LRRC4B: variants seen among roughly 807,000 people sequenced by gnomAD.
LRRC4B encodes the protein leucine rich repeat containing 4B.
A neutral mutation model predicts 7.3 loss-of-function variants in LRRC4B; 1 was observed. The ratio of observed to expected loss-of-function variants is 0.14; its 90% CI spans 0.05 to 0.65. The LOEUF (loss-of-function observed/expected upper bound fraction) is 0.65, where lower values mean the gene tolerates loss of function less well. Among genes scored for constraint, LRRC4B ranks in the 30% least tolerant of loss-of-function variants. The probability of loss-of-function intolerance (pLI) is 0.84; values close to 1 mark genes in which losing one functional copy is unlikely to be tolerated. For synonymous variants in LRRC4B, 500 were observed against 499.2 expected (o/e 1.00, Z -0.02); for missense variants, 730 against 1,041.6 (o/e 0.70, Z 4.12).
At chr19:50,523,065 G>A (rs1437462377) in intron 2 of LRRC4B, among the ~76,000 whole-genome samples, 1 of 152,220 alleles carries the variant, frequency 6.6e-6, no homozygotes, top group Non-Finnish European at 1.5e-5. Context: ...CTTGACCTCT[G>A]ACCCTGGCTG....
chr19:50,541,400 A>G (rs1326106483), intron 2 of LRRC4B, among the ~76,000 whole-genome samples: 2 of 151,432 alleles, frequency 1.3e-5, no homozygotes, highest in Non-Finnish European at 2.9e-5. Context: ...AGAAAAAGCA[A>G]TGCACCATAA....
At position 50,517,671 on chromosome 19, in the gene LRRC4B, C is replaced by A; in HGVS notation, c.2042G>T (p.Gly681Val). ...AGGCGGGCCTTTGCCCCCGCAGCCC[C>A]CGCCGCTGGGGTTGCTGCTGTAGTG... ...KAHYSSNPSG[G>V]GCGGKGPPGL... The change falls in exon 3 of 3, where the codon GGG (glycine) becomes GTG (valine). Residue 681 changes from glycine (G) to valine (V), a missense_variant. Physicochemically the swap from Gly to Val is moderately radical, Grantham distance 109. Coordinates refer to ENST00000652263, the MANE Select transcript of LRRC4B (RefSeq NM_001080457.2). The surrounding 1 kb of genome is among the most constrained non-coding windows in gnomAD (Gnocchi z 6.6). 6.5e-7 allele frequency: 1 copy of A among 1,531,202 alleles called. No individual in the cohort carries two copies. 94.9% of individuals were successfully genotyped at this position (1,531,202 alleles called of 1,614,324 possible). A position where few individuals can be genotyped will look rare whatever the true frequency, so the allele number is the denominator to read the frequency against.
intron 2 of LRRC4B, among the ~76,000 whole-genome samples, chr19:50,523,351 A>G (rs1980662241): frequency 6.6e-6 from 1 of 150,514 alleles, no homozygotes; most frequent in African/African-American, 2.5e-5. Context: ...AAGCTGAAGA[A>G]TTAGGTATCA....
Position 50,518,972 on chromosome 19 carries a change from G to A in LRRC4B, c.741C>T (p.Gly247=). The A allele has an allele frequency of 3.1e-6, 5 of 1,613,532 alleles. No individual in the cohort carries two copies. Among genetic ancestry groups the A allele is most frequent in the Non-Finnish European group, 4.2e-6 (5 of 1,179,872 alleles). The change falls in exon 3 of 3, where the codon GGC becomes GGT. Residue 247 remains glycine, a synonymous_variant. Transcript: ENST00000652263. ...SGNRLDLIRP[G]SFQGLTSLRK... ...GCAGGCTGGTGAGACCCTGGAAGGA[G>A]CCCGGGCGGATCAGGTCCAGCCGGT...
At position 50,537,276 on chromosome 19, in the gene LRRC4B, T is replaced by C. The variant is rs1981333805; in HGVS notation, c.297+11266A>G. On this transcript the variant is annotated intron_variant, in intron 2 of 2. Coordinates refer to ENST00000652263, the MANE Select transcript of LRRC4B (RefSeq NM_001080457.2). This position sits in a 1 kb window ranked among gnomAD's most constrained non-coding sequence, Gnocchi z 5.5. ...GCAAGTGTCTTAACTCTCCTATGCCTCAGTTTCCTCATCTGTAACATGAGA... is the reference window on the plus strand; with the variant it reads ...GCAAGTGTCTTAACTCTCCTATGCCCCAGTTTCCTCATCTGTAACATGAGA... Among the ~76,000 whole-genome samples, 1 of 152,156 alleles carries C rather than the reference T, an allele frequency of 6.6e-6. No homozygotes were observed. The highest frequency in any genetic ancestry group is 1.5e-5 in the Non-Finnish European group (1 of 68,016).
rs1420805915 is a variant in LRRC4B at position 50,548,107 on chromosome 19, T to C, written c.297+435A>G. ...AACACCTCAACGCAGGGGCTTGCAT[T>C]GTCCCCGCTTTTCAGATGAAGAAAC... On this transcript the variant is annotated intron_variant, in intron 2 of 2. Coordinates refer to ENST00000652263, the MANE Select transcript of LRRC4B (RefSeq NM_001080457.2). The surrounding 1 kb of genome is among the most constrained non-coding windows in gnomAD (Gnocchi z 6.8). Among the ~76,000 whole-genome samples, 1 of 152,170 alleles carries C rather than the reference T, an allele frequency of 6.6e-6. No individual in the cohort carries two copies. The highest frequency in any genetic ancestry group is 1.5e-5 in the Non-Finnish European group (1 of 68,036).
chr19:50,564,565 C>T (rs1373679348), intron 1 of LRRC4B, among the ~76,000 whole-genome samples: 6 of 151,866 alleles, frequency 4.0e-5, no homozygotes, highest in Admixed American at 1.3e-4. Flanking sequence ...ACAGACTAGA[C>T]GGATGGGCCA....
Position 50,518,121 on chromosome 19 carries a change from G to A in LRRC4B, c.1592C>T (p.Ala531Val), listed in dbSNP as rs2122755792. Residue 531 changes from alanine (A) to valine (V), a missense_variant, in exon 3 of 3, where the codon GCC becomes GTC. Ala to Val is a moderately conservative substitution (Grantham distance 64). Coordinates refer to ENST00000652263, the MANE Select transcript of LRRC4B (RefSeq NM_001080457.2). Reference sequence around the variant, plus strand: ...CGTGGTAGAAGACGAGGCAGGGCCGGCCGCGTCCCCAGGCCGGCCCCCACC... The same window carrying A: ...CGTGGTAGAAGACGAGGCAGGGCCGACCGCGTCCCCAGGCCGGCCCCCACC... ...VWGGGRPGDA[A>V]GPASSSTTAP... The A allele has an allele frequency of 1.3e-6, 2 of 1,593,718 alleles. No homozygotes were observed. The highest frequency in any genetic ancestry group is 1.7e-6 in the Non-Finnish European group (2 of 1,174,250).
In LRRC4B at chr19:50,518,334, G is replaced by A. The variant is rs1470590208; in HGVS notation, c.1379C>T (p.Ala460Val). Residue 460 changes from alanine (A) to valine (V), a missense_variant, in exon 3 of 3, where the codon GCG (alanine) becomes GTG (valine). By Grantham distance (64) the Ala-to-Val change is moderately conservative. Coordinates refer to ENST00000652263, the MANE Select transcript of LRRC4B (RefSeq NM_001080457.2). ...TLNVSAVDPVAAGGTGSGGGG... is the reference protein window; with the variant it reads ...TLNVSAVDPVVAGGTGSGGGG... Reference sequence around the variant, plus strand: ...CCCGCCGCTGCCGGTGCCCCCGGCCGCCACGGGGTCCACGGCCGAGACGTT... The same window carrying A: ...CCCGCCGCTGCCGGTGCCCCCGGCCACCACGGGGTCCACGGCCGAGACGTT... 2 of 1,605,932 alleles carry A rather than the reference G, an allele frequency of 1.2e-6. No individual in the cohort carries two copies. The highest frequency in any genetic ancestry group is 3.4e-5 in the Admixed American group (2 of 58,886).
rs1200378440 is a variant in LRRC4B at position 50,555,104 on chromosome 19, C to T, written c.-35-6231G>A. Among the ~76,000 whole-genome samples the T allele has an allele frequency of 6.6e-6, 1 of 152,208 alleles. No individual in the cohort carries two copies. The highest frequency in any genetic ancestry group is 2.4e-5 in the African/African-American group (1 of 41,468). On this transcript the variant is annotated intron_variant, in intron 1 of 2. Coordinates refer to ENST00000652263, the MANE Select transcript of LRRC4B (RefSeq NM_001080457.2). The surrounding 1 kb of genome is among the most constrained non-coding windows in gnomAD (Gnocchi z 5.2). ...CTCCATGGACTGCCCTCTGCCCCCA[C>T]GCACCCCTAGTAGTGATGGGAAATA...
chr19:50,545,189 T>C (rs1174279312), intron 2 of LRRC4B, among the ~76,000 whole-genome samples: 2 of 149,742 alleles, frequency 1.3e-5, no homozygotes, highest in African/African-American at 2.5e-5. Context: ...GGGCAGATCA[T>C]CTGAGGTCGG....
Position 50,548,708 on chromosome 19 carries a change from G to C in LRRC4B, c.131C>G (p.Thr44Arg). ...LGAGGGGVAV[T>R]SAAGGGSPPA... ...CGGGGAGCCCCCTCCGGCGGCAGAC[G>C]TCACGGCCACTCCACCTCCACCGGC... The change falls in exon 2 of 3, where the codon ACG becomes AGG. Residue 44 changes from threonine (T) to arginine (R), a missense_variant. Thr to Arg is a moderately conservative substitution (Grantham distance 71). Coordinates refer to ENST00000652263, the MANE Select transcript of LRRC4B (RefSeq NM_001080457.2). The surrounding 1 kb of genome is among the most constrained non-coding windows in gnomAD (Gnocchi z 6.8). The C allele has an allele frequency of 6.5e-7, 1 of 1,543,318 alleles. No individual in the cohort carries two copies. The highest frequency in any genetic ancestry group is 1.2e-5 in the South Asian group (1 of 84,320).
At chr19:50,529,097 A>G (rs1980942110) in intron 2 of LRRC4B, among the ~76,000 whole-genome samples, 1 of 152,010 alleles carries the variant, frequency 6.6e-6, no homozygotes, top group South Asian at 2.1e-4. Flanking sequence ...TTCCTCAGAG[A>G]GAGTATCTGG....
At chr19:50,527,346 TTC>T (rs1224810230) in intron 2 of LRRC4B, among the ~76,000 whole-genome samples, 3 of 117,678 alleles carry the variant, frequency 2.5e-5, no homozygotes, top group African/African-American at 7.0e-5. Context: ...TCTTTCTTTT[TTC>T]TTTTTTTTTT....
chr19:50,525,313 G>A (rs559751366), intron 2 of LRRC4B, among the ~76,000 whole-genome samples: 10 of 152,036 alleles, frequency 6.6e-5, no homozygotes, highest in African/African-American at 2.4e-4. Flanking sequence ...CATTGTTATC[G>A]TTATCGTTGG....
At chr19:50,526,485 A>C (rs1980811131) in intron 2 of LRRC4B, among the ~76,000 whole-genome samples, 5 of 152,180 alleles carry the variant, frequency 3.3e-5, no homozygotes, top group Admixed American at 3.3e-4. Context: ...CAGGGAGGGC[A>C]GGGACTGGGT....
At position 50,548,451 on chromosome 19, in the gene LRRC4B, G is replaced by A. The variant is rs370585496; in HGVS notation, c.297+91C>T. The A allele has an allele frequency of 6.1e-5, 90 of 1,486,586 alleles. 1 individual carries two copies. In the East Asian group the frequency reaches 1.1e-3, roughly 18 times the overall value. 92.1% of individuals were successfully genotyped at this position (1,486,586 alleles called of 1,614,324 possible). On this transcript the variant is annotated intron_variant, in intron 2 of 2. Transcript: ENST00000652263. This position sits in a 1 kb window ranked among gnomAD's most constrained non-coding sequence, Gnocchi z 6.8. ...CAGGTGCCGGAGACGGGGAAGCCCCGGTGTGGGGAGGCCCAGAAGGGATGG... is the reference window on the plus strand; with the variant it reads ...CAGGTGCCGGAGACGGGGAAGCCCCAGTGTGGGGAGGCCCAGAAGGGATGG...
chr19:50,530,649 G>T (rs758684035), intron 2 of LRRC4B, among the ~76,000 whole-genome samples: 1 of 152,186 alleles, frequency 6.6e-6, no homozygotes, highest in Non-Finnish European at 1.5e-5. Flanking sequence ...CTTGAGGTGA[G>T]ACTCACTCCG....
intron 2 of LRRC4B, among the ~76,000 whole-genome samples, chr19:50,542,057 T>C (rs1349597007): frequency 3.3e-5 from 5 of 152,180 alleles, no homozygotes; most frequent in Admixed American, 1.3e-4. Flanking sequence ...AAATTAAGAA[T>C]ACGTGTACGC....
Sources: allele counts gnomAD v4.1 joint callset (sites outside exome capture counted in the v4.1 genomes callset), GRCh38; gene constraint gnomAD v4.1.1; non-coding constraint Gnocchi (gnomAD v3.1); transcripts MANE v1.5; gene names NCBI Gene and HGNC (gene_info 2026-07-23, HGNC 2026-07-21).